Variants in CFI observed in about 807,000 individuals in gnomAD.
CFI encodes C3B/C4B inactivator.
A neutral mutation model predicts 78.8 loss-of-function variants in CFI; 66 were observed. That is an observed-to-expected ratio of 0.84 (90% CI 0.69 to 1.03). CFI has a LOEUF of 1.03. Ranked by LOEUF, CFI falls within the 50% of genes least tolerant of loss-of-function variation. The pLI is 0.00. For missense variants in CFI, 706 were observed against 704.5 expected (o/e 1.00, Z -0.02); for synonymous variants, 250 against 232.6 (o/e 1.07, Z -0.68).
intron 7 of CFI, among the ~76,000 whole-genome samples, chr4:109,753,660 T>G (rs1295686906): frequency 4.0e-5 from 4 of 99,944 alleles, no homozygotes; most frequent in Non-Finnish European, 5.3e-5. Context: ...ATATATTATA[T>G]AATGTATAAT....
downstream of CFI, among the ~76,000 whole-genome samples, chr4:109,740,324 G>T (rs1398618056): frequency 6.7e-6 from 1 of 150,336 alleles, no homozygotes; most frequent in Non-Finnish European, 1.5e-5. Context: ...AGAAAGAAAA[G>T]AGAAAAAGAA....
intron 1 of CFI, among the ~76,000 whole-genome samples, chr4:109,778,992 A>T (rs1457795950): frequency 6.6e-6 from 1 of 152,164 alleles, no homozygotes; most frequent in Non-Finnish European, 1.5e-5. Flanking sequence ...TCAAAATAAT[A>T]AGAGCTATTT....
intron 4 of CFI, among the ~76,000 whole-genome samples, chr4:109,760,871 A>G (rs1039232123): frequency 6.6e-6 from 1 of 152,188 alleles, no homozygotes; most frequent in East Asian, 1.9e-4. Context: ...GTGAAAGTCT[A>G]TATTTGCTGA....
chr4:109,757,910 AT>A, intron 6 of CFI, 127 bp from the exon 7 acceptor site: 2 of 1,410,756 alleles, frequency 1.4e-6, no homozygotes, highest in South Asian at 1.4e-5. Context: ...CGGTAATATA[AT>A]TTTTCTATTA....
intron 1 of CFI, among the ~76,000 whole-genome samples, chr4:109,780,888 A>G (rs1483023716): frequency 1.3e-5 from 2 of 152,210 alleles, no homozygotes; most frequent in African/African-American, 2.4e-5. Context: ...TGAGCAAACT[A>G]TCACAAGGAC....
At chr4:109,786,399 C>G (rs1375082217) in intron 1 of CFI, among the ~76,000 whole-genome samples, 1 of 151,350 alleles carries the variant, frequency 6.6e-6, no homozygotes, top group Non-Finnish European at 1.5e-5. Context: ...TCTTTTTTTT[C>G]TCTAGGCAGG....
intron 1 of CFI, 124 bp from the exon 2 acceptor site, chr4:109,766,948 G>T: frequency 4.3e-6 from 4 of 932,432 alleles, no homozygotes; most frequent in Non-Finnish European, 6.6e-6. Flanking sequence ...GGTGTTGTCT[G>T]GTGGCTTCAA....
In CFI at chr4:109,761,500, G is replaced by T. The variant is rs373011135; in HGVS notation, c.658+17C>A. 3.0e-5 allele frequency: 49 copies of T among 1,612,790 alleles called. No individual in the cohort carries two copies. Among genetic ancestry groups the T allele is most frequent in the South Asian group, 4.4e-5 (4 of 91,040 alleles). Reference sequence around the variant, plus strand: ...ACCTTCAAGGAAGGGAAAATAACAGGCAAATACTCCACCAACCTGCTTTCT... The same window carrying T: ...ACCTTCAAGGAAGGGAAAATAACAGTCAAATACTCCACCAACCTGCTTTCT... On this transcript the variant is annotated intron_variant, in intron 4 of 12. Coordinates refer to ENST00000394634, the MANE Select transcript of CFI (RefSeq NM_000204.5).
At position 109,740,878 on chromosome 4, in the gene CFI, AG is replaced by A; in HGVS notation, c.*14del. 1 of 1,593,920 alleles carries A rather than the reference AG, an allele frequency of 6.3e-7. No homozygotes were observed. Among genetic ancestry groups the A allele is most frequent in the Non-Finnish European group, 8.6e-7 (1 of 1,161,620 alleles). On this transcript the variant is annotated 3_prime_UTR_variant, in exon 13 of 13. Transcript: ENST00000394634. ...TTGAGAGAAAAAGAATAGAATGAAG[AG>A]AGAGATCACAATTTTATACATTGTA...
intron 1 of CFI, among the ~76,000 whole-genome samples, chr4:109,798,525 A>AG (rs1732356742): frequency 6.8e-6 from 1 of 147,102 alleles, no homozygotes; most frequent in Non-Finnish European, 1.5e-5. Context: ...TTTTTTAAAA[A>AG]GACCATTAAG....
chr4:109,795,409 G>A (rs1731934570), intron 1 of CFI, among the ~76,000 whole-genome samples: 1 of 152,168 alleles, frequency 6.6e-6, no homozygotes, highest in Non-Finnish European at 1.5e-5. Context: ...GACTGAAAGA[G>A]GTGGCTGCTT....
At chr4:109,737,381 A>G (rs962374820), downstream of CFI, among the ~76,000 whole-genome samples, 5 of 152,078 alleles carry the variant, frequency 3.3e-5, no homozygotes, top group African/African-American at 1.2e-4. Flanking sequence ...CATAATTCAG[A>G]CTAAGCTCAC....
At chr4:109,757,330 G>A (rs1298655780) in intron 7 of CFI, among the ~76,000 whole-genome samples, 2 of 152,052 alleles carry the variant, frequency 1.3e-5, no homozygotes, top group African/African-American at 4.8e-5. Context: ...CACCGCGCCC[G>A]GCAGTTTACA....
At chr4:109,766,917 G>GC (rs1317361067) in intron 1 of CFI, 93 bp from the exon 2 acceptor site, 106 of 1,252,870 alleles carry the variant, frequency 8.5e-5, no homozygotes, top group Non-Finnish European at 1.1e-4. Context: ...AACAGATACA[G>GC]CCCACAGTAC....
chr4:109,793,336 G>C (rs1368470933), intron 1 of CFI: 1 of 152,120 alleles, frequency 6.6e-6, no homozygotes, highest in African/African-American at 2.4e-5. Flanking sequence ...GTTTTATATA[G>C]TTGTCTTTTA....
At chr4:109,780,201 GA>G (rs1253489075) in intron 1 of CFI, among the ~76,000 whole-genome samples, 2 of 152,108 alleles carry the variant, frequency 1.3e-5, no homozygotes, top group Non-Finnish European at 1.5e-5. Flanking sequence ...CCATCAGAGT[GA>G]ACAGGCAACC....
chr4:109,785,783 C>T (rs899576105), intron 1 of CFI, among the ~76,000 whole-genome samples: 4 of 151,938 alleles, frequency 2.6e-5, no homozygotes, highest in Non-Finnish European at 4.4e-5. Flanking sequence ...CTTGTAATAG[C>T]GAGTGAATTC....
chr4:109,743,388 C>T (rs982940763), intron 11 of CFI, among the ~76,000 whole-genome samples: 1 of 152,170 alleles, frequency 6.6e-6, no homozygotes, highest in Non-Finnish European at 1.5e-5. Flanking sequence ...CTCTTGTAAG[C>T]TTCTTGAGGC....
intron 1 of CFI, among the ~76,000 whole-genome samples, chr4:109,768,979 G>A (rs7435548): frequency 0.97 from 147,831 of 152,248 alleles, 71,916 homozygotes; most frequent in East Asian, 1. Context: ...TGCCAGTTAC[G>A]CACTTTTCAT....
Sources: gnomAD v4.1 joint callset for allele counts (sites outside exome capture counted in the v4.1 genomes callset) on GRCh38, gnomAD v4.1.1 for gene constraint, MANE v1.5 for transcripts, NCBI Gene and HGNC (gene_info 2026-07-23, HGNC 2026-07-21) for gene names.